The following OR7E24 variants were observed in gnomAD, a reference collection of about 807,000 sequenced individuals.
OR7E24 encodes olfactory receptor 7E24.
For synonymous variants in OR7E24, 130 were observed against 157.5 expected (o/e 0.83, Z 1.31); for missense variants, 385 against 410.3 (o/e 0.94, Z 0.53).
chr19:9,241,669 C>T, the OR7E24 span, among the ~76,000 whole-genome samples: 168 of 152,246 alleles, frequency 1.1e-3, 1 homozygote, highest in African/African-American at 3.8e-3. Context: ...GAGACTGAGG[C>T]AGGAGAATTG....
upstream of OR7E24, chr19:9,247,375 C>T (rs1039132292): frequency 5.0e-6 from 2 of 398,030 alleles, no homozygotes; most frequent in Non-Finnish European, 8.9e-6. Context: ...CCACACCTGT[C>T]GTCTGCATCA....
At chr19:9,206,518 A>T in the OR7E24 span, 1 of 152,194 alleles carries the variant, frequency 6.6e-6, no homozygotes, top group Non-Finnish European at 1.5e-5. Context: ...TCTAGGTGAA[A>T]TCACAACCCT....
At chr19:9,214,482 G>A in the OR7E24 span, 49 of 1,614,146 alleles carry the variant, frequency 3.0e-5, no homozygotes, top group South Asian at 5.2e-4. Flanking sequence ...CCGGTCATAG[G>A]CCATCACGGC....
Position 9,251,886 on chromosome 19 carries a change from T to G in OR7E24, c.843T>G (p.Ala281=). ...GGCTTGTAGGGTACCTCAGTTCAGCTGTGTTACCATCCCCCAGGAAGAGTA... is the reference window on the plus strand; with the variant it reads ...GGCTTGTAGGGTACCTCAGTTCAGCGGTGTTACCATCCCCCAGGAAGAGTA... The part of the protein sequence containing the change: ...GTGLVGYLSS[A]VLPSPRKSMV... The change falls in exon 1 of 1, where the codon GCT becomes GCG. Residue 281 remains alanine, a synonymous_variant. Coordinates refer to ENST00000456448, the MANE Select transcript of OR7E24 (RefSeq NM_001079935.2). The G allele has an allele frequency of 6.2e-7, 1 of 1,614,166 alleles. No homozygotes were observed. Among genetic ancestry groups the G allele is most frequent in the Non-Finnish European group, 8.5e-7 (1 of 1,180,030 alleles).
chr19:9,250,214 C>G (rs1041514029), upstream of OR7E24, among the ~76,000 whole-genome samples: 2 of 152,110 alleles, frequency 1.3e-5, no homozygotes, highest in Non-Finnish European at 2.9e-5. Context: ...CCTGACTCAG[C>G]CTCCTGAGTA....
the OR7E24 span, chr19:9,213,631 G>A: frequency 2.6e-6 from 1 of 391,688 alleles, no homozygotes; most frequent in South Asian, 2.8e-5. Context: ...TCAGCTACTT[G>A]AGAGGCTGAG....
At chr19:9,246,306 G>A (rs2144937255), upstream of OR7E24, among the ~76,000 whole-genome samples, 1 of 152,038 alleles carries the variant, frequency 6.6e-6, no homozygotes, top group Non-Finnish European at 1.5e-5. Context: ...CTGACCTCGT[G>A]ATCTGCCTGC....
chr19:9,208,470 A>G, the OR7E24 span: 1 of 152,222 alleles, frequency 6.6e-6, no homozygotes, highest in Non-Finnish European at 1.5e-5. Flanking sequence ...AGAGAGTCCA[A>G]CTGAAGTTTA....
upstream of OR7E24, among the ~76,000 whole-genome samples, chr19:9,249,799 A>G (rs1158675766): frequency 6.6e-6 from 1 of 152,054 alleles, no homozygotes; most frequent in Non-Finnish European, 1.5e-5. Context: ...CTAAAAATAC[A>G]AAAATCAGCT....
the OR7E24 span, chr19:9,206,839 A>C: frequency 5.3e-5 from 8 of 152,348 alleles, no homozygotes; most frequent in African/African-American, 1.9e-4. Flanking sequence ...TGTGTGACGA[A>C]CTTGTTCACG....
upstream of OR7E24, among the ~76,000 whole-genome samples, chr19:9,246,466 TTG>T (rs34518365): frequency 0.1 from 13,117 of 130,792 alleles, 541 homozygotes; most frequent in Admixed American, 0.15. Context: ...CTTAAAGGTA[TTG>T]TGTGTGTGTG....
chr19:9,234,184 G>A, the OR7E24 span, among the ~76,000 whole-genome samples: 1 of 152,180 alleles, frequency 6.6e-6, no homozygotes, highest in Admixed American at 6.5e-5. Flanking sequence ...TTACAGGCGT[G>A]AGCCACTGTG....
the OR7E24 span, among the ~76,000 whole-genome samples, chr19:9,216,640 G>A: frequency 2.0e-5 from 3 of 151,966 alleles, no homozygotes; most frequent in African/African-American, 7.2e-5. Flanking sequence ...TGACCAGGCT[G>A]GAGTGCAGTG....
At chr19:9,221,411 C>A in the OR7E24 span, among the ~76,000 whole-genome samples, 1 of 109,780 alleles carries the variant, frequency 9.1e-6, no homozygotes. Context: ...AATGCAGTGG[C>A]GCGATCTCCG....
chr19:9,208,935 A>T, the OR7E24 span: 1 of 152,188 alleles, frequency 6.6e-6, no homozygotes, highest in Admixed American at 6.6e-5. Context: ...CAAGTGAGCC[A>T]CCCACCTCGG....
chr19:9,229,122 A>T, the OR7E24 span, among the ~76,000 whole-genome samples: 4 of 152,326 alleles, frequency 2.6e-5, no homozygotes, highest in South Asian at 6.2e-4. Flanking sequence ...TAAAAAAAAG[A>T]TCCCTTTGCC....
At chr19:9,236,153 T>C in the OR7E24 span, 2 of 773,162 alleles carry the variant, frequency 2.6e-6, no homozygotes, top group East Asian at 2.5e-5. Flanking sequence ...ATATCCTAGA[T>C]CTTGCTCTCC....
chr19:9,245,546 C>T (rs1280433873), upstream of OR7E24, among the ~76,000 whole-genome samples: 1 of 152,156 alleles, frequency 6.6e-6, no homozygotes, highest in Non-Finnish European at 1.5e-5. Context: ...AAGTTCACTT[C>T]TGGGTGCATA....
At chr19:9,245,139 C>T (rs57707237), upstream of OR7E24, among the ~76,000 whole-genome samples, 3,002 of 152,102 alleles carry the variant, frequency 0.02, 91 homozygotes, top group African/African-American at 0.069. Flanking sequence ...CGCTTGAACC[C>T]GGGTGGTGAA....
Sources: gnomAD v4.1 joint callset for allele counts (sites outside exome capture counted in the v4.1 genomes callset) on GRCh38, gnomAD v4.1.1 for gene constraint, MANE v1.5 for transcripts, NCBI Gene and HGNC (gene_info 2026-07-23, HGNC 2026-07-21) for gene names.